SLC9A8: variants seen among roughly 807,000 people sequenced by gnomAD.
The protein encoded by SLC9A8 is solute carrier family 9 member A8, also known as sodium/hydrogen exchanger 8.
In SLC9A8, 48 loss-of-function variants were observed where a neutral mutation model predicts 66.6. The ratio of observed to expected loss-of-function variants is 0.72; its 90% CI spans 0.57 to 0.92. The LOEUF (loss-of-function observed/expected upper bound fraction) is 0.92, where lower values mean the gene tolerates loss of function less well. SLC9A8 is among the 40% of genes least tolerant of loss of function. SLC9A8 has a pLI of 0.00. For synonymous variants in SLC9A8, 274 were observed against 282.6 expected, an observed-to-expected ratio of 0.97 and a Z score of 0.31; for missense variants, 599 against 747.3, an observed-to-expected ratio of 0.80 and a Z score of 2.31.
In SLC9A8 at chr20:49,886,538, TA is replaced by T. The variant is rs2089898441; in HGVS notation, c.1492-213del. On this transcript the variant is annotated intron_variant, in intron 14 of 15. Coordinates refer to ENST00000361573, the MANE Select transcript of SLC9A8 (RefSeq NM_015266.3). This position sits in a 1 kb window ranked among gnomAD's most constrained non-coding sequence, Gnocchi z 4.8. ...CCCAGTCCTTCTGTTTTAGCTGTCC[TA>T]GGTGGGGTCCTGGGCATCCATTGTG... is the stretch of plus-strand genomic sequence containing the variant. 1.8e-6 allele frequency: 1 copy of T among 544,878 alleles called. No individual in the cohort carries two copies. Among genetic ancestry groups the T allele is most frequent in the African/African-American group, 1.9e-5 (1 of 52,182 alleles). 33.8% of individuals were successfully genotyped at this position (544,878 alleles called of 1,614,324 possible).
intron 14 of SLC9A8, 133 bp downstream of exon 14, chr20:49,884,199 G>GACACACACAC (rs370760616): frequency 2.4e-5 from 7 of 288,700 alleles, no homozygotes; most frequent in African/African-American, 1.2e-4. Flanking sequence ...CCACACACAC[G>GACACACACAC]ACACACACAC....
chr20:49,844,609 C>A (rs1367310010), intron 4 of SLC9A8, among the ~76,000 whole-genome samples: 1 of 130,284 alleles, frequency 7.7e-6, no homozygotes, highest in Non-Finnish European at 1.6e-5. Context: ...CATAGCGGGA[C>A]CCTGTATCTT....
At chr20:49,845,581 G>A (rs1229875593) in intron 5 of SLC9A8, among the ~76,000 whole-genome samples, 2 of 151,984 alleles carry the variant, frequency 1.3e-5, no homozygotes, top group African/African-American at 4.8e-5. Context: ...CCCTCTCGGT[G>A]CCCTCCCCTG....
chr20:49,843,975 G>A (rs1164721568), intron 4 of SLC9A8, among the ~76,000 whole-genome samples: 1 of 146,388 alleles, frequency 6.8e-6, no homozygotes, highest in African/African-American at 2.5e-5. Flanking sequence ...TTCCTCTCTT[G>A]CCATGGATCT....
At chr20:49,865,624 G>A (rs1184736988) in intron 10 of SLC9A8, among the ~76,000 whole-genome samples, 1 of 152,108 alleles carries the variant, frequency 6.6e-6, no homozygotes, top group Admixed American at 6.5e-5. Flanking sequence ...CTGGAGGAGG[G>A]GTGGCCAGTC....
At chr20:49,860,148 A>T (rs2088674320) in intron 8 of SLC9A8, among the ~76,000 whole-genome samples, 1 of 152,178 alleles carries the variant, frequency 6.6e-6, no homozygotes, top group South Asian at 2.1e-4. Context: ...ATGGGTGATC[A>T]TGGCCTTCAA....
At position 49,814,359 on chromosome 20, in the gene SLC9A8, A is replaced by G. The variant is rs75175653; in HGVS notation, c.27-649A>G. Among the ~76,000 whole-genome samples, 639 of 152,332 alleles carry G rather than the reference A, an allele frequency of 4.2e-3. 3 individuals are homozygous for G. The highest frequency in any genetic ancestry group is 0.015 in the African/African-American group (618 of 41,564). ...GTGTGTTACCTAGTTCCTGGAATAA[A>G]GCAGTGCTCAGAAAATAATAACTTT... On this transcript the variant is annotated intron_variant, in intron 1 of 15. Transcript: ENST00000361573.
intron 5 of SLC9A8, among the ~76,000 whole-genome samples, chr20:49,848,742 A>G (rs934544354): frequency 4.6e-5 from 7 of 152,216 alleles, no homozygotes; most frequent in Non-Finnish European, 5.9e-5. Context: ...AATAGAGTGA[A>G]GTAAAATTGT....
At chr20:49,849,549 C>A (rs373812135) in intron 5 of SLC9A8, 30 bp from the exon 6 acceptor site, 4 of 1,552,422 alleles carry the variant, frequency 2.6e-6, no homozygotes, top group African/African-American at 1.4e-5. Context: ...CTTTTCTAAT[C>A]ATTTCCCTGA....
In SLC9A8 at chr20:49,884,227, C is replaced by CACACACG. The variant is rs1555848219; in HGVS notation, c.1491+167_1491+168insGACACAC. Reference sequence around the variant, plus strand: ...ACACACACACACACACACACACACACACACACACACACACGACACACACAC... The same window carrying CACACACG: ...ACACACACACACACACACACACACACACACACGACACACACACACACGACACACACAC... On this transcript the variant is annotated intron_variant, in intron 14 of 15. Transcript: ENST00000361573. 679 of 215,674 alleles carry CACACACG rather than the reference C, an allele frequency of 3.1e-3. 2 individuals carry two copies. The highest frequency in any genetic ancestry group is 5.8e-3 in the East Asian group (82 of 14,160). 13.4% of individuals were successfully genotyped at this position (215,674 alleles called of 1,614,324 possible). A position where few individuals can be genotyped will look rare whatever the true frequency, so the allele number is the denominator to read the frequency against.
At chr20:49,854,743 G>A (rs924821773) in intron 7 of SLC9A8, among the ~76,000 whole-genome samples, 2 of 152,174 alleles carry the variant, frequency 1.3e-5, no homozygotes, top group African/African-American at 4.8e-5. Flanking sequence ...GGCAGTAGTA[G>A]CAGTCTCATA....
intron 11 of SLC9A8, 31 bp downstream of exon 11, chr20:49,874,852 G>A (rs762638185): frequency 1.4e-6 from 2 of 1,415,034 alleles, no homozygotes; most frequent in East Asian, 2.3e-5. Context: ...GCCGTGAGCA[G>A]GCCCACCCAG....
In SLC9A8 at chr20:49,877,986, T is replaced by C; in HGVS notation, c.1081T>C (p.Cys361Arg). Residue 361 changes from cysteine to arginine, a missense_variant, in exon 12 of 16, where the codon TGT becomes CGT. Cys to Arg is a radical substitution (Grantham distance 180). Around this residue, in one of 2 missense-constraint regions of SLC9A8, gnomAD observed 467 missense variants for 626.5 expected, o/e 0.75. Transcript: ENST00000361573. The stretch of plus-strand genomic sequence containing the variant: ...CATTCTTTGGTTTGTTTCAGAAACA[T>C]GTGTGTTTGCATTTCTTGGCCTGTC... Reference protein sequence around the residue: ...LRTVAFLCETCVFAFLGLSIF... With the variant: ...LRTVAFLCETRVFAFLGLSIF... The C allele has an allele frequency of 6.3e-7, 1 of 1,595,480 alleles. No homozygotes were observed. The highest frequency in any genetic ancestry group is 8.5e-7 in the Non-Finnish European group (1 of 1,175,028).
Position 49,815,202 on chromosome 20 carries a change from A to G in SLC9A8, c.208+13A>G, listed in dbSNP as rs368289586. ...CTCCTTGTCCTAGGTGAATATGGAC[A>G]CTGTCATCCCCATCATCTGCCATCC... On this transcript the variant is annotated intron_variant, in intron 2 of 15. Transcript: ENST00000361573. The G allele has an allele frequency of 5.5e-5, 83 of 1,510,612 alleles. No homozygotes were observed. The highest frequency in any genetic ancestry group is 7.2e-5 in the Non-Finnish European group (81 of 1,124,778). 93.6% of individuals were successfully genotyped at this position (1,510,612 alleles called of 1,614,324 possible). A position where few individuals can be genotyped will look rare whatever the true frequency, so the allele number is the denominator to read the frequency against.
chr20:49,836,091 C>G (rs185865998), intron 3 of SLC9A8, among the ~76,000 whole-genome samples: 6 of 152,304 alleles, frequency 3.9e-5, no homozygotes, highest in Admixed American at 2.6e-4. Context: ...TTTAGCTCTC[C>G]TCCCTGTCCC....
At chr20:49,851,781 T>C (rs2088264889) in intron 7 of SLC9A8, among the ~76,000 whole-genome samples, 1 of 152,238 alleles carries the variant, frequency 6.6e-6, no homozygotes, top group Non-Finnish European at 1.5e-5. Context: ...CAAGTAGTCC[T>C]ATTCCATGAG....
At chr20:49,849,800 C>T (rs1053815627) in intron 6 of SLC9A8, 120 bp downstream of exon 6, 4 of 767,838 alleles carry the variant, frequency 5.2e-6, no homozygotes, top group Non-Finnish European at 8.8e-6. Flanking sequence ...AAGGTAAATT[C>T]CTTCTGGAAG....
intron 3 of SLC9A8, among the ~76,000 whole-genome samples, chr20:49,826,853 C>T (rs1049644760): frequency 2.0e-5 from 3 of 151,884 alleles, no homozygotes; most frequent in Non-Finnish European, 2.9e-5. Context: ...TAGACATGTC[C>T]GTATGTATTA....
intron 14 of SLC9A8, 163 bp downstream of exon 14, chr20:49,884,229 C>G (rs1398818449): frequency 8.5e-5 from 19 of 222,600 alleles, no homozygotes; most frequent in Admixed American, 2.6e-4. Context: ...CACACACACA[C>G]ACACACACAC....
Sources: gnomAD v4.1 joint callset for allele counts (sites outside exome capture counted in the v4.1 genomes callset) on GRCh38, gnomAD v4.1.1 for gene constraint, gnomAD v4.1.1 regional missense constraint, Gnocchi (gnomAD v3.1) non-coding constraint, MANE v1.5 for transcripts, NCBI Gene and HGNC (gene_info 2026-07-23, HGNC 2026-07-21) for gene names.